The following GON4L variants were observed in gnomAD, a reference collection of about 807,000 sequenced individuals.
GON4L encodes the protein GON-4-like protein.
A neutral mutation model predicts 211.8 loss-of-function variants in GON4L; 87 were observed. The observed-to-expected ratio is 0.41, with a 90% CI of 0.35 to 0.49. GON4L has a LOEUF of 0.49. Among genes scored for constraint, GON4L ranks in the 20% least tolerant of loss-of-function variants. The pLI is 0.15. For missense variants in GON4L, 2,155 were observed against 2,659.5 expected, an observed-to-expected ratio of 0.81 and a Z score of 4.17; for synonymous variants, 875 against 962.6, an observed-to-expected ratio of 0.91 and a Z score of 1.68.
intron 12 of GON4L, among the ~76,000 whole-genome samples, chr1:155,791,364 T>A (rs1439698195): frequency 1.3e-5 from 2 of 151,868 alleles, no homozygotes; most frequent in African/African-American, 4.8e-5. Context: ...AGGGGAAAAG[T>A]TTAAAGAAAA....
In GON4L at chr1:155,765,396, A is replaced by G; in HGVS notation, c.4077T>C (p.Gly1359=). The part of the protein sequence containing the change: ...KVEHAVELDT[G]APSEELSSAG... Reference sequence around the variant, plus strand: ...CACTGCTCAACTCCTCGCTTGGGGCACCAGTGTCCAATTCCACAGCATGTT... The same window carrying G: ...CACTGCTCAACTCCTCGCTTGGGGCGCCAGTGTCCAATTCCACAGCATGTT... Residue 1359 remains glycine, a synonymous_variant, in exon 21 of 32, where the codon GGT becomes GGC. Coordinates refer to ENST00000368331, the MANE Select transcript of GON4L (RefSeq NM_001282860.2). 2.5e-6 allele frequency: 4 copies of G among 1,614,134 alleles called. No individual in the cohort carries two copies. Among genetic ancestry groups the G allele is most frequent in the Non-Finnish European group, 3.4e-6 (4 of 1,180,016 alleles).
chr1:155,765,588 T>C lies in GON4L; in HGVS notation c.3885A>G (p.Thr1295=), dbSNP rs1171667498. The part of the protein sequence containing the change: ...NSACRWTVVK[T]EEGRQALEPL... The stretch of plus-strand genomic sequence containing the variant: ...GCTCCAGAGCTTGCCTCCCCTCCTC[T>C]GTTTTCACAACGGTCCAGCGACAGG... The change falls in exon 21 of 32, where the codon ACA becomes ACG. Residue 1295 remains threonine, a synonymous_variant. Transcript: ENST00000368331. 1 of 1,614,082 alleles carries C rather than the reference T, an allele frequency of 6.2e-7. No homozygotes were observed. The highest frequency in any genetic ancestry group is 8.5e-7 in the Non-Finnish European group (1 of 1,180,032).
downstream of GON4L, chr1:155,747,836 T>C: frequency 6.3e-7 from 1 of 1,597,860 alleles, no homozygotes; most frequent in African/African-American, 1.3e-5. Flanking sequence ...TGCTACAAGA[T>C]GAATATTCAG....
At chr1:155,840,387 C>G (rs892263823) in intron 2 of GON4L, among the ~76,000 whole-genome samples, 1 of 152,100 alleles carries the variant, frequency 6.6e-6, no homozygotes, top group Non-Finnish European at 1.5e-5. Context: ...TGTGTCAATA[C>G]AGTATTTTGG....
intron 26 of GON4L, 34 bp from the exon 27 acceptor site, chr1:155,757,111 C>T: frequency 1.2e-6 from 2 of 1,613,924 alleles, no homozygotes; most frequent in Non-Finnish European, 1.7e-6. Flanking sequence ...AGCACAGACA[C>T]CAGGCCAATA....
chr1:155,831,807 C>T (rs1463234084), intron 2 of GON4L, among the ~76,000 whole-genome samples: 2 of 151,762 alleles, frequency 1.3e-5, no homozygotes, highest in Admixed American at 6.6e-5. Flanking sequence ...TCAGTTCAGC[C>T]CAGGAGTTAG....
intron 12 of GON4L, among the ~76,000 whole-genome samples, chr1:155,786,915 T>TAA (rs777272839): frequency 1.3e-5 from 2 of 149,120 alleles, no homozygotes; most frequent in Non-Finnish European, 2.9e-5. Context: ...GTCCTACAGT[T>TAA]AAGAGTTTTT....
chr1:155,758,421 C>T (rs552080700), intron 24 of GON4L, among the ~76,000 whole-genome samples: 4 of 152,320 alleles, frequency 2.6e-5, no homozygotes, highest in Admixed American at 1.3e-4. Context: ...GCAGGAGGAT[C>T]GCTTAAGGCC....
rs1660452900 is a variant in GON4L at position 155,750,467 on chromosome 1, C to T, written c.*117G>A. On this transcript the variant is annotated 3_prime_UTR_variant, in exon 32 of 32. Transcript: ENST00000368331. Reference sequence around the variant, plus strand: ...CCAGCCTTTGTCCTTGTCCTGGCCTCCTGCTCTCCAGATCTGTAAACTGGG... The same window carrying T: ...CCAGCCTTTGTCCTTGTCCTGGCCTTCTGCTCTCCAGATCTGTAAACTGGG... 1.4e-6 allele frequency: 1 copy of T among 704,536 alleles called. No homozygotes were observed. Among genetic ancestry groups the T allele is most frequent in the Non-Finnish European group, 2.6e-6 (1 of 391,836 alleles). The allele number at this position is 704,536 out of a possible 1,614,324, so 43.6% of individuals were successfully genotyped here.
rs976332411 is a variant in GON4L, at chr1:155,790,563, AT to A, written c.1747+4486del. On this transcript the variant is annotated intron_variant, in intron 12 of 31. Transcript: ENST00000368331. ...AGTTAGTATTATTTTTTGCTGTTGC[AT>A]TTTTTTTTCTCAGAATATTTTCAAG... 3.3e-3 allele frequency among the ~76,000 whole-genome samples: 499 copies of A among 150,972 alleles called. 3 individuals are homozygous for A. The highest frequency in any genetic ancestry group is 0.011 in the African/African-American group (471 of 41,134).
chr1:155,819,294 C>T (rs1331666203), intron 6 of GON4L, among the ~76,000 whole-genome samples: 1 of 150,702 alleles, frequency 6.6e-6, no homozygotes, highest in East Asian at 1.9e-4. Flanking sequence ...TGAAGCAAGA[C>T]TCCCAAAATA....
At chr1:155,753,779 G>A (rs1398357697) in intron 28 of GON4L, among the ~76,000 whole-genome samples, 1 of 152,006 alleles carries the variant, frequency 6.6e-6, no homozygotes, top group Non-Finnish European at 1.5e-5. Context: ...CATGACCATG[G>A]TGGTACACTA....
rs777998651 is a variant in GON4L, at chr1:155,785,151, T to C, written c.1788+183A>G. ...TTAATAAGAACAACATACATGTATA[T>C]AATCAAGAGTCTAGTAGTTAGCAAA... On this transcript the variant is annotated intron_variant, in intron 13 of 31. Transcript: ENST00000368331. 8.6e-6 allele frequency: 6 copies of C among 696,672 alleles called. No homozygotes were observed. The African/African-American group carries it at 8.8e-5, about 10-fold the overall frequency. The allele number at this position is 696,672 out of a possible 1,614,324, so 43.2% of individuals were successfully genotyped here.
At chr1:155,772,991 C>G (rs574252789) in intron 18 of GON4L, 75 bp downstream of exon 18, 10 of 1,580,254 alleles carry the variant, frequency 6.3e-6, no homozygotes, top group South Asian at 1.1e-5. Flanking sequence ...TCTTACTTCC[C>G]CTAAACTCCT....
intron 10 of GON4L, among the ~76,000 whole-genome samples, chr1:155,809,980 ATATATATATAAT>A (rs1268090499): frequency 2.6e-4 from 19 of 71,970 alleles, no homozygotes; most frequent in Admixed American, 5.2e-4. Flanking sequence ...TATAAATTAT[ATATATATATAAT>A]TATATATATA....
Position 155,751,879 on chromosome 1 carries a change from AG to A in GON4L, c.6474-11del. ...CACACGGTCAGCTTCCCTGTAACCCAGGTATCATGATTAACCCTAGGGAGCC... is the reference window on the plus strand; with the variant it reads ...CACACGGTCAGCTTCCCTGTAACCCAGTATCATGATTAACCCTAGGGAGCC... On this transcript the variant is annotated splice_polypyrimidine_tract_variant and intron_variant, in intron 30 of 31. Transcript: ENST00000368331. 1 of 1,612,358 alleles carries A rather than the reference AG, an allele frequency of 6.2e-7. No homozygotes were observed. The highest frequency in any genetic ancestry group is 1.7e-5 in the Admixed American group (1 of 60,010).
chr1:155,752,384 T>A lies in GON4L; in HGVS notation c.6049A>T (p.Arg2017Trp). Residue 2017 changes from arginine to tryptophan, a missense_variant, in exon 30 of 32, where the codon AGG (arginine) becomes TGG (tryptophan). Arg to Trp is a moderately radical substitution (Grantham distance 101). Coordinates refer to ENST00000368331, the MANE Select transcript of GON4L (RefSeq NM_001282860.2). ...TCACTCACTGCCTTTTGGCCCTCCCTCTCTTTCTGAAGTCTGGGGGATGCC... is the reference window on the plus strand; with the variant it reads ...TCACTCACTGCCTTTTGGCCCTCCCACTCTTTCTGAAGTCTGGGGGATGCC... ...PKASPRLQKE[R>W]EGQKAVSESE... 6.3e-7 allele frequency: 1 copy of A among 1,592,514 alleles called. No individual in the cohort carries two copies. The highest frequency in any genetic ancestry group is 1.1e-5 in the South Asian group (1 of 89,274).
chr1:155,746,029 G>A, downstream of GON4L: 2 of 798,248 alleles, frequency 2.5e-6, no homozygotes, highest in Non-Finnish European at 4.0e-6. Flanking sequence ...CCGAGCGACC[G>A]ATTCCAAGGA....
intron 6 of GON4L, among the ~76,000 whole-genome samples, chr1:155,818,969 G>C (rs1668500595): frequency 2.0e-5 from 3 of 151,368 alleles, no homozygotes; most frequent in Non-Finnish European, 4.4e-5. Context: ...CTGCACTCCA[G>C]CCTAGGTGAC....
Sources: gnomAD v4.1 joint callset for allele counts (sites outside exome capture counted in the v4.1 genomes callset) on GRCh38, gnomAD v4.1.1 for gene constraint, MANE v1.5 for transcripts, NCBI Gene and HGNC (gene_info 2026-07-23, HGNC 2026-07-21) for gene names.